Variants in LHFPL3 observed in about 807,000 individuals in gnomAD.
The protein encoded by LHFPL3 is LHFPL tetraspan subfamily member 3 protein.
Under a neutral mutation model 19.3 loss-of-function variants are expected in LHFPL3, and 5 were observed. The observed-to-expected ratio is 0.26, with a 90% CI of 0.14 to 0.54. The LOEUF is 0.54. Among genes scored for constraint, LHFPL3 ranks in the 20% least tolerant of loss-of-function variants. LHFPL3 has a pLI of 0.94. For synonymous variants in LHFPL3, 133 were observed against 126.2 expected (o/e 1.05, Z -0.36); for missense variants, 249 against 307.4 (o/e 0.81, Z 1.42).
chr7:104,476,390 A>G (rs748105559), intron 1 of LHFPL3, among the ~76,000 whole-genome samples: 1 of 152,130 alleles, frequency 6.6e-6, no homozygotes, highest in South Asian at 2.1e-4. Flanking sequence ...AAATAGGAGT[A>G]TATAAATGAC....
At chr7:104,473,359 C>T (rs138221510) in intron 1 of LHFPL3, among the ~76,000 whole-genome samples, 2 of 152,304 alleles carry the variant, frequency 1.3e-5, no homozygotes, top group African/African-American at 4.8e-5. Flanking sequence ...AAATAGCCTA[C>T]ACTTTCTTTT....
chr7:104,449,955 A>G lies in LHFPL3; in HGVS notation c.445+120731A>G, dbSNP rs199826999. ...GAAGAGGTCAGTTGTTTCACACTTC[A>G]GTGGCTTTCCCCAACTCATACCACT... is the stretch of plus-strand genomic sequence containing the variant. On this transcript the variant is annotated intron_variant, in intron 1 of 2. Coordinates refer to ENST00000424859, the MANE Select transcript of LHFPL3 (RefSeq NM_199000.3). Among the ~76,000 whole-genome samples the G allele has an allele frequency of 5.3e-5, 8 of 152,190 alleles. No individual in the cohort carries two copies. In the East Asian group the frequency reaches 1.5e-3, roughly 29 times the overall value.
chr7:104,448,034 C>T (rs1160772524), intron 1 of LHFPL3, among the ~76,000 whole-genome samples: 2 of 152,034 alleles, frequency 1.3e-5, no homozygotes, highest in Non-Finnish European at 2.9e-5. Context: ...TACTGAGATA[C>T]GGTTTACCTC....
intron 1 of LHFPL3, among the ~76,000 whole-genome samples, chr7:104,403,571 A>G (rs80210731): frequency 0.017 from 2,539 of 152,340 alleles, 62 homozygotes; most frequent in African/African-American, 0.058. Context: ...GTCTTTGTAT[A>G]CATTTGTAAT....
intron 1 of LHFPL3, among the ~76,000 whole-genome samples, chr7:104,395,839 T>G (rs1791172665): frequency 6.6e-6 from 1 of 152,252 alleles, no homozygotes; most frequent in Non-Finnish European, 1.5e-5. Flanking sequence ...TCAGCTAGTT[T>G]TATTTAGACT....
At chr7:104,639,377 G>A (rs558960637) in intron 1 of LHFPL3, among the ~76,000 whole-genome samples, 2 of 152,196 alleles carry the variant, frequency 1.3e-5, no homozygotes, top group East Asian at 3.9e-4. Flanking sequence ...AGTGTTCACA[G>A]CAGTCTCTGA....
intron 1 of LHFPL3, among the ~76,000 whole-genome samples, chr7:104,565,926 A>G (rs1363038638): frequency 2.0e-5 from 3 of 152,142 alleles, no homozygotes; most frequent in African/African-American, 4.8e-5. Flanking sequence ...GACAGAGCCA[A>G]CAAGCATAAT....
intron 2 of LHFPL3, among the ~76,000 whole-genome samples, chr7:104,821,569 G>C (rs1245655431): frequency 6.6e-6 from 1 of 152,188 alleles, no homozygotes; most frequent in Non-Finnish European, 1.5e-5. Flanking sequence ...AGAACTGTGT[G>C]GGTTCAGAGG....
At chr7:104,896,296 A>T (rs920573462) in intron 2 of LHFPL3, among the ~76,000 whole-genome samples, 3 of 152,208 alleles carry the variant, frequency 2.0e-5, no homozygotes, top group Non-Finnish European at 4.4e-5. Flanking sequence ...TGCTAGGGAC[A>T]CTGTGGCTTC....
intron 1 of LHFPL3, among the ~76,000 whole-genome samples, chr7:104,353,136 C>T (rs2116393480): frequency 6.6e-6 from 1 of 152,282 alleles, no homozygotes; most frequent in Admixed American, 6.5e-5. Flanking sequence ...TGAAACCAGA[C>T]ATTTTATTCA....
intron 1 of LHFPL3, among the ~76,000 whole-genome samples, chr7:104,533,120 G>T (rs569683811): frequency 7.2e-5 from 11 of 152,220 alleles, no homozygotes; most frequent in African/African-American, 2.6e-4. Context: ...TAAATTCTCT[G>T]CATTAAAATG....
chr7:104,383,759 AG>A (rs1562880915), intron 1 of LHFPL3, among the ~76,000 whole-genome samples: 1 of 152,244 alleles, frequency 6.6e-6, no homozygotes. Flanking sequence ...CAAATTAATA[AG>A]AAAGAAATAG....
At chr7:104,499,182 G>A (rs930246731) in intron 1 of LHFPL3, among the ~76,000 whole-genome samples, 1 of 152,164 alleles carries the variant, frequency 6.6e-6, no homozygotes, top group Admixed American at 6.5e-5. Flanking sequence ...AGGAATATAA[G>A]GATAAGAGTC....
chr7:104,780,318 A>G (rs1794698122), intron 2 of LHFPL3, among the ~76,000 whole-genome samples: 1 of 152,138 alleles, frequency 6.6e-6, no homozygotes, highest in Non-Finnish European at 1.5e-5. Context: ...TGACACCTCC[A>G]TTCTTTGGTA....
chr7:104,789,012 T>C (rs1037970903), intron 2 of LHFPL3, among the ~76,000 whole-genome samples: 1 of 152,240 alleles, frequency 6.6e-6, no homozygotes, highest in Non-Finnish European at 1.5e-5. Flanking sequence ...TGCTTCTTGG[T>C]AGAGCATCAT....
chr7:104,716,770 A>G (rs1793396070), intron 1 of LHFPL3, among the ~76,000 whole-genome samples: 1 of 152,232 alleles, frequency 6.6e-6, no homozygotes, highest in Non-Finnish European at 1.5e-5. Flanking sequence ...TACATAGTCA[A>G]TGCAAGCTCT....
At chr7:104,821,061 C>A (rs1562803357) in intron 2 of LHFPL3, among the ~76,000 whole-genome samples, 1 of 152,180 alleles carries the variant, frequency 6.6e-6, no homozygotes, top group Admixed American at 6.5e-5. Context: ...TAATTTACAA[C>A]ATGAAACCTT....
At chr7:104,756,055 A>C (rs1166022946) in intron 2 of LHFPL3, among the ~76,000 whole-genome samples, 4 of 151,958 alleles carry the variant, frequency 2.6e-5, no homozygotes, top group Non-Finnish European at 4.4e-5. Context: ...CTATGGGGCC[A>C]GGGGTTGGGA....
chr7:104,648,458 T>C (rs909990694), intron 1 of LHFPL3, among the ~76,000 whole-genome samples: 4 of 152,210 alleles, frequency 2.6e-5, no homozygotes, highest in African/African-American at 9.6e-5. Context: ...TGTCTTTCCA[T>C]TGGTGGCATC....
Sources: allele counts gnomAD v4.1 joint callset (sites outside exome capture counted in the v4.1 genomes callset), GRCh38; gene constraint gnomAD v4.1.1; transcripts MANE v1.5; gene names NCBI Gene and HGNC (gene_info 2026-07-23, HGNC 2026-07-21).